PLEKHH1: variants seen among roughly 807,000 people sequenced by gnomAD.
PLEKHH1 encodes pleckstrin homology, MyTH4 and FERM domain containing H1, also known as pleckstrin homology domain-containing family H member 1.
Under a neutral mutation model 160.0 loss-of-function variants are expected in PLEKHH1, and 104 were observed. That is an observed-to-expected ratio of 0.65 (90% CI 0.55 to 0.76). PLEKHH1 has a LOEUF of 0.76. Among genes scored for constraint, PLEKHH1 ranks in the 30% least tolerant of loss-of-function variants. PLEKHH1 has a pLI of 0.00. For missense variants in PLEKHH1, 1,427 were observed against 1,724.1 expected, an observed-to-expected ratio of 0.83 and a Z score of 3.05; for synonymous variants, 619 against 678.4, an observed-to-expected ratio of 0.91 and a Z score of 1.36.
At chr14:67,539,085 C>A (rs754240721) in intron 1 of PLEKHH1, among the ~76,000 whole-genome samples, 1 of 152,094 alleles carries the variant, frequency 6.6e-6, no homozygotes, top group Non-Finnish European at 1.5e-5. Context: ...ATTTCTTAGC[C>A]CTGAACTGAG....
chr14:67,561,006 C>T (rs146943543), intron 5 of PLEKHH1, among the ~76,000 whole-genome samples: 31 of 152,240 alleles, frequency 2.0e-4, no homozygotes, highest in African/African-American at 6.0e-4. Context: ...GCTAGGATTA[C>T]GGGTGTGAGC....
chr14:67,584,273 C>T lies in PLEKHH1; in HGVS notation c.3699+149C>T, dbSNP rs2036042498. The T allele has an allele frequency of 5.4e-6, 4 of 737,820 alleles. No homozygotes were observed. In the South Asian group the frequency reaches 5.4e-5, roughly 10 times the overall value. 45.7% of individuals were successfully genotyped at this position (737,820 alleles called of 1,614,324 possible). ...ACTGTTTCTGGCCTAGTCCAGCTTT[C>T]CACAGTCCAGAGCAGAATTGTGATT... On this transcript the variant is annotated intron_variant, in intron 26 of 28. Transcript: ENST00000329153.
At position 67,577,394 on chromosome 14, in the gene PLEKHH1, G is replaced by T; in HGVS notation, c.2554G>T (p.Glu852Ter). 6.3e-7 allele frequency: 1 copy of T among 1,585,490 alleles called. No homozygotes were observed. Residue 852 changes from glutamate (E) to a stop codon, truncating the protein, a stop_gained, in exon 18 of 29, where the codon GAG becomes TAG. Coordinates refer to ENST00000329153, the MANE Select transcript of PLEKHH1 (RefSeq NM_020715.3). LOFTEE classifies it high-confidence loss of function. Reference sequence around the variant, plus strand: ...CCTGCCCTCTGAGGCCTTGCAGACGGAGGCCCTCAAGCTCTTCAAGGTAAA... The same window carrying T: ...CCTGCCCTCTGAGGCCTTGCAGACGTAGGCCCTCAAGCTCTTCAAGGTAAA... ...TTLPSEALQT[E>*]ALKLFKSCQL...
Position 67,578,344 on chromosome 14 carries a change from G to A in PLEKHH1, c.2751+145G>A. The A allele has an allele frequency of 1.2e-6, 1 of 802,020 alleles. No homozygotes were observed. The highest frequency in any genetic ancestry group is 2.0e-6 in the Non-Finnish European group (1 of 489,282). The allele number at this position is 802,020 out of a possible 1,614,324, so 49.7% of individuals were successfully genotyped here. ...TGCTCCAAGCTGCATCAGTACGGCT[G>A]AGCTGTCTATGCACAGATGGGTGAT... On this transcript the variant is annotated intron_variant, in intron 19 of 28. Transcript: ENST00000329153. This position sits in a 1 kb window ranked among gnomAD's most constrained non-coding sequence, Gnocchi z 5.0.
rs779433042 is a variant in PLEKHH1, at chr14:67,582,106, C to A, written c.3322C>A (p.Arg1108=). The A allele has an allele frequency of 1.2e-6, 2 of 1,613,038 alleles. No homozygotes were observed. Among genetic ancestry groups the A allele is most frequent in the Admixed American group, 1.7e-5 (1 of 59,884 alleles). The change falls in exon 24 of 29, where the codon CGA becomes AGA. Residue 1108 remains arginine, a synonymous_variant. Coordinates refer to ENST00000329153, the MANE Select transcript of PLEKHH1 (RefSeq NM_020715.3). This position sits in a 1 kb window ranked among gnomAD's most constrained non-coding sequence, Gnocchi z 5.0. ...CAGTCAAGTCAAAGGGGAGACGGACCGAGAACGGCTGCTCCTTGCCTCTCA... is the reference window on the plus strand; with the variant it reads ...CAGTCAAGTCAAAGGGGAGACGGACAGAGAACGGCTGCTCCTTGCCTCTCA... ...FRSQVKGETD[R]ERLLLASQTS...
rs1168152427 is a variant in PLEKHH1, at chr14:67,569,209, A to G, written c.1335A>G (p.Ala445=). Residue 445 remains alanine, a synonymous_variant, in exon 8 of 29, where the codon GCA becomes GCG. Transcript: ENST00000329153. ...ATATGTCTCCCAGAAGTAATACTGC[A>G]TGCTGCGGTGAGTTCCAAGTGAGGC... The part of the protein sequence containing the change: ...LSDMSPRSNT[A]CCASSPPALV... 1 of 1,610,210 alleles carries G rather than the reference A, an allele frequency of 6.2e-7. No individual in the cohort carries two copies. Among genetic ancestry groups the G allele is most frequent in the Non-Finnish European group, 8.5e-7 (1 of 1,176,506 alleles).
chr14:67,582,146 T>C lies in PLEKHH1; in HGVS notation c.3362T>C (p.Ile1121Thr). 1 of 1,613,656 alleles carries C rather than the reference T, an allele frequency of 6.2e-7. No individual in the cohort carries two copies. The highest frequency in any genetic ancestry group is 8.5e-7 in the Non-Finnish European group (1 of 1,179,834). Residue 1121 changes from isoleucine (I) to threonine (T), a missense_variant, in exon 24 of 29, where the codon ATA becomes ACA. Ile to Thr is a moderately conservative substitution (Grantham distance 89). Coordinates refer to ENST00000329153, the MANE Select transcript of PLEKHH1 (RefSeq NM_020715.3). The surrounding 1 kb of genome is among the most constrained non-coding windows in gnomAD (Gnocchi z 5.0). ...CTTGCCTCTCAAACCAGTAGAGAGATAGTGGCAGGGAGGTTTCCTATCAAC... is the reference window on the plus strand; with the variant it reads ...CTTGCCTCTCAAACCAGTAGAGAGACAGTGGCAGGGAGGTTTCCTATCAAC... ...LLLASQTSRE[I>T]VAGRFPINKE...
At chr14:67,580,764 AGCT>A in intron 22 of PLEKHH1, 171 bp from the exon 23 acceptor site, 1 of 575,794 alleles carries the variant, frequency 1.7e-6, no homozygotes, top group East Asian at 2.9e-5. Context: ...TTTGTGAGGG[AGCT>A]GCTGCCACCT....
intron 7 of PLEKHH1, among the ~76,000 whole-genome samples, chr14:67,564,743 C>CAA: frequency 6.7e-6 from 1 of 150,074 alleles, no homozygotes; most frequent in African/African-American, 2.5e-5. Flanking sequence ...GGCTGGAGTG[C>CAA]AATGGTGCAA....
rs192650491 is a variant in PLEKHH1 at position 67,576,383 on chromosome 14, G to A, written c.2353-12G>A. 20 of 1,533,456 alleles carry A rather than the reference G, an allele frequency of 1.3e-5. No individual in the cohort carries two copies. Among genetic ancestry groups the A allele is most frequent in the East Asian group, 9.0e-5 (4 of 44,306 alleles). 95.0% of individuals were successfully genotyped at this position (1,533,456 alleles called of 1,614,324 possible). On this transcript the variant is annotated splice_polypyrimidine_tract_variant and intron_variant, in intron 16 of 28. Transcript: ENST00000329153. This position sits in a 1 kb window ranked among gnomAD's most constrained non-coding sequence, Gnocchi z 4.0. ...CCCCGTCCCCATCCGATGGCTTTCC[G>A]CCCTCTTCCAGGATACGTGGCTCTA...
chr14:67,575,284 T>C (rs2035572191), intron 14 of PLEKHH1, 108 bp from the exon 15 acceptor site: 1 of 666,628 alleles, frequency 1.5e-6, no homozygotes, highest in Non-Finnish European at 2.6e-6. Flanking sequence ...GGCATCTCCA[T>C]CTCTACCATA....
intron 23 of PLEKHH1, among the ~76,000 whole-genome samples, chr14:67,581,314 A>G (rs1167475659): frequency 6.6e-6 from 1 of 152,134 alleles, no homozygotes; most frequent in Admixed American, 6.5e-5. Context: ...ATCTGCCAAG[A>G]AAACAGACCA....
intron 1 of PLEKHH1, among the ~76,000 whole-genome samples, chr14:67,537,814 C>T (rs914713095): frequency 1.3e-5 from 2 of 152,224 alleles, no homozygotes; most frequent in Non-Finnish European, 2.9e-5. Context: ...GTGCCACCTT[C>T]CCACCCATCC....
rs1049538529 is a variant in PLEKHH1, at chr14:67,579,136, G to C, written c.2852G>C (p.Ser951Thr). 1.6e-5 allele frequency: 26 copies of C among 1,602,824 alleles called. No homozygotes were observed. The highest frequency in any genetic ancestry group is 2.1e-5 in the Non-Finnish European group (25 of 1,175,432). Residue 951 changes from serine (S) to threonine (T), a missense_variant and splice_region_variant, in exon 21 of 29, where the codon AGT (serine) becomes ACT (threonine). Physicochemically the swap from Ser to Thr is moderately conservative, Grantham distance 58. Around this residue, in one of 6 missense-constraint regions of PLEKHH1, gnomAD observed 436 missense variants for 607.5 expected, o/e 0.72. Coordinates refer to ENST00000329153, the MANE Select transcript of PLEKHH1 (RefSeq NM_020715.3). Reference protein sequence around the residue: ...QQLQRHADPRSETGQYATYCQ... With the variant: ...QQLQRHADPRTETGQYATYCQ... ...ACTCCCCTCTTCCGTCTTTTTAGAA[G>C]TGAAACTGGCCAGTATGCCACCTAC...
intron 1 of PLEKHH1, among the ~76,000 whole-genome samples, chr14:67,539,909 A>G (rs2033896504): frequency 6.6e-6 from 1 of 152,252 alleles, no homozygotes; most frequent in Non-Finnish European, 1.5e-5. Flanking sequence ...CTCAATAAGC[A>G]ATAGCTACTT....
chr14:67,555,066 C>T (rs2034540369), intron 2 of PLEKHH1, among the ~76,000 whole-genome samples: 1 of 152,062 alleles, frequency 6.6e-6, no homozygotes, highest in Non-Finnish European at 1.5e-5. Flanking sequence ...GCGCACACCG[C>T]CACGCTCAGC....
intron 2 of PLEKHH1, 65 bp from the exon 3 acceptor site, chr14:67,555,760 C>A: frequency 2.5e-6 from 4 of 1,590,550 alleles, no homozygotes; most frequent in Non-Finnish European, 2.6e-6. Context: ...TCTAAAGTGG[C>A]CTTGATGCCG....
chr14:67,555,056 G>T (rs763289471), intron 2 of PLEKHH1, among the ~76,000 whole-genome samples: 4 of 152,148 alleles, frequency 2.6e-5, no homozygotes, highest in Middle Eastern at 3.4e-3. Context: ...GGGACTACAG[G>T]CGCACACCGC....
Position 67,578,209 on chromosome 14 carries a change from C to A in PLEKHH1, c.2751+10C>A. 6.2e-7 allele frequency: 1 copy of A among 1,610,276 alleles called. No homozygotes were observed. Among genetic ancestry groups the A allele is most frequent in the Non-Finnish European group, 8.5e-7 (1 of 1,177,156 alleles). ...GTACTCCCTCATGCAGGTAGGCATG[C>A]CAGGGGTGGAGCAGCTGACAGAAGC... is the stretch of plus-strand genomic sequence containing the variant. On this transcript the variant is annotated intron_variant, in intron 19 of 28. Coordinates refer to ENST00000329153, the MANE Select transcript of PLEKHH1 (RefSeq NM_020715.3). This position sits in a 1 kb window ranked among gnomAD's most constrained non-coding sequence, Gnocchi z 5.0.
Sources: gnomAD v4.1 joint callset for allele counts (sites outside exome capture counted in the v4.1 genomes callset) on GRCh38, gnomAD v4.1.1 for gene constraint, gnomAD v4.1.1 regional missense constraint, Gnocchi (gnomAD v3.1) non-coding constraint, MANE v1.5 for transcripts, NCBI Gene and HGNC (gene_info 2026-07-23, HGNC 2026-07-21) for gene names.